The following DYM variants were observed in gnomAD, a reference collection of about 807,000 sequenced individuals.
DYM encodes dymeclin.
A neutral mutation model predicts 93.1 loss-of-function variants in DYM; 78 were observed. That is an observed-to-expected ratio of 0.84 (90% CI 0.70 to 1.01). The LOEUF is 1.01. Among genes scored for constraint, DYM ranks in the 50% least tolerant of loss-of-function variants. The probability of loss-of-function intolerance (pLI) is 0.00; values close to 1 mark genes in which losing one functional copy is unlikely to be tolerated. For synonymous variants in DYM, 321 were observed against 319.7 expected, an observed-to-expected ratio of 1.00 and a Z score of -0.04; for missense variants, 789 against 845.0, an observed-to-expected ratio of 0.93 and a Z score of 0.82.
chr18:49,121,792 A>G (rs969849236), intron 15 of DYM, among the ~76,000 whole-genome samples: 1 of 152,224 alleles, frequency 6.6e-6, no homozygotes, highest in African/African-American at 2.4e-5. Context: ...AAGCACTGAA[A>G]TAACAGCCAA....
At chr18:49,245,397 G>A (rs1003405101) in intron 13 of DYM, among the ~76,000 whole-genome samples, 1 of 152,208 alleles carries the variant, frequency 6.6e-6, no homozygotes, top group Non-Finnish European at 1.5e-5. Context: ...GCGAGTAGGA[G>A]AAATATTGCT....
chr18:49,275,253 C>A (rs1016712468), intron 10 of DYM, among the ~76,000 whole-genome samples: 2 of 152,122 alleles, frequency 1.3e-5, no homozygotes, highest in Non-Finnish European at 2.9e-5. Flanking sequence ...GGTCTTGGCA[C>A]CCTGGCTAAA....
intron 3 of DYM, among the ~76,000 whole-genome samples, chr18:49,380,536 C>T (rs981234601): frequency 1.3e-5 from 2 of 152,224 alleles, no homozygotes; most frequent in African/African-American, 4.8e-5. Flanking sequence ...TTTCACCGAT[C>T]CTCACCTGGA....
chr18:49,217,019 G>A (rs181654120), intron 13 of DYM, among the ~76,000 whole-genome samples: 9 of 152,272 alleles, frequency 5.9e-5, no homozygotes, highest in East Asian at 1.9e-4. Context: ...AAATTTAGAC[G>A]AATGTATAAC....
chr18:49,258,811 C>CAGAG (rs2094437283), intron 11 of DYM, among the ~76,000 whole-genome samples: 1 of 137,358 alleles, frequency 7.3e-6, no homozygotes, highest in African/African-American at 2.8e-5. Flanking sequence ...CACACACACA[C>CAGAG]ACACACACAC....
At chr18:49,225,458 A>G (rs2093495383) in intron 13 of DYM, among the ~76,000 whole-genome samples, 2 of 152,146 alleles carry the variant, frequency 1.3e-5, no homozygotes, top group Non-Finnish European at 2.9e-5. Context: ...TGGAAAATAT[A>G]TTGAAGGGAA....
intron 1 of DYM, among the ~76,000 whole-genome samples, chr18:49,458,499 A>G (rs974373302): frequency 6.6e-6 from 1 of 152,184 alleles, no homozygotes; most frequent in African/African-American, 2.4e-5. Flanking sequence ...TCTAGATATT[A>G]AAAACTATTA....
Position 49,258,825 on chromosome 18 carries a change from G to GAGAGAC in DYM, c.1252-333_1252-332insGTCTCT, listed in dbSNP as rs1260587234. Among the ~76,000 whole-genome samples, 37 of 125,132 alleles carry GAGAGAC rather than the reference G, an allele frequency of 3.0e-4. 2 individuals carry two copies. The East Asian group carries it at 7.5e-3, about 25-fold the overall frequency. The allele number at this position is 125,132 out of a possible 152,430, so 82.1% of individuals were successfully genotyped here. A position where few individuals can be genotyped will look rare whatever the true frequency, so the allele number is the denominator to read the frequency against. ...ACACACACACACACACACACACAGA[G>GAGAGAC]ACACACACACACACAGAGAGAGAGA... is the stretch of plus-strand genomic sequence containing the variant. On this transcript the variant is annotated intron_variant, in intron 11 of 17. Coordinates refer to ENST00000675505, the MANE Select transcript of DYM (RefSeq NM_001353214.3).
At chr18:49,222,651 TAAAC>T (rs1598739813) in intron 13 of DYM, among the ~76,000 whole-genome samples, 1 of 151,772 alleles carries the variant, frequency 6.6e-6, no homozygotes, top group Non-Finnish European at 1.5e-5. Flanking sequence ...ATAAAATAAA[TAAAC>T]AAAAAATGAA....
intron 14 of DYM, among the ~76,000 whole-genome samples, chr18:49,200,119 A>C (rs2091873028): frequency 6.6e-6 from 1 of 152,130 alleles, no homozygotes; most frequent in South Asian, 2.1e-4. Flanking sequence ...CAATTAATAA[A>C]GTGGCATTGC....
chr18:49,261,644 C>T (rs1398507144), intron 11 of DYM, among the ~76,000 whole-genome samples: 4 of 151,974 alleles, frequency 2.6e-5, no homozygotes, highest in Non-Finnish European at 5.9e-5. Context: ...AAGACTCTCT[C>T]AAAAATAAAT....
At chr18:49,165,787 C>T (rs2087789167) in intron 14 of DYM, among the ~76,000 whole-genome samples, 1 of 152,062 alleles carries the variant, frequency 6.6e-6, no homozygotes, top group African/African-American at 2.4e-5. Flanking sequence ...CGAACGATTT[C>T]TTTGAAATGA....
intron 17 of DYM, among the ~76,000 whole-genome samples, chr18:49,054,241 CTTTA>C (rs906590201): frequency 2.6e-4 from 40 of 152,078 alleles, no homozygotes; most frequent in African/African-American, 7.0e-4. Flanking sequence ...TAATGAAGAA[CTTTA>C]TTTGTTTCTT....
At chr18:49,327,228 A>T (rs563040575) in intron 8 of DYM, among the ~76,000 whole-genome samples, 13 of 151,788 alleles carry the variant, frequency 8.6e-5, no homozygotes, top group South Asian at 6.3e-4. Flanking sequence ...TCAAAATAAA[A>T]TTTTTTTTTA....
chr18:49,074,999 G>T (rs1697877817), intron 17 of DYM, among the ~76,000 whole-genome samples: 1 of 152,170 alleles, frequency 6.6e-6, no homozygotes, highest in African/African-American at 2.4e-5. Flanking sequence ...TGAGGAAGGG[G>T]CTGCTGATAA....
At chr18:49,290,718 G>A (rs1223602165) in intron 8 of DYM, among the ~76,000 whole-genome samples, 1 of 152,002 alleles carries the variant, frequency 6.6e-6, no homozygotes, top group East Asian at 1.9e-4. Flanking sequence ...ACATATCTAT[G>A]CATGTAAGTC....
chr18:49,406,347 G>GT (rs113978596), intron 2 of DYM, among the ~76,000 whole-genome samples: 13,888 of 151,990 alleles, frequency 0.091, 848 homozygotes, highest in East Asian at 0.31. Context: ...ATCACCTGAG[G>GT]CAGGATTTTG....
chr18:49,244,370 G>C (rs1176029718), intron 13 of DYM, among the ~76,000 whole-genome samples: 2 of 152,090 alleles, frequency 1.3e-5, no homozygotes, highest in Admixed American at 1.3e-4. Context: ...TAGTCAATGA[G>C]TTTTTAAAAA....
intron 10 of DYM, among the ~76,000 whole-genome samples, chr18:49,277,923 T>C (rs900211870): frequency 2.0e-5 from 3 of 152,140 alleles, no homozygotes; most frequent in Non-Finnish European, 2.9e-5. Flanking sequence ...TGCAGTCAAA[T>C]AAGAAAATTA....
Sources: allele counts gnomAD v4.1 joint callset (sites outside exome capture counted in the v4.1 genomes callset), GRCh38; gene constraint gnomAD v4.1.1; transcripts MANE v1.5; gene names NCBI Gene and HGNC (gene_info 2026-07-23, HGNC 2026-07-21).